ADAMTSL1: variants seen among roughly 807,000 people sequenced by gnomAD.
ADAMTSL1 encodes the protein ADAMTS like 1.
In ADAMTSL1, 126 loss-of-function variants were observed where a neutral mutation model predicts 201.8. The observed-to-expected ratio is 0.62, with a 90% confidence interval of 0.54 to 0.72. The LOEUF is 0.72. Ranked by LOEUF, ADAMTSL1 falls within the 30% of genes least tolerant of loss-of-function variation. The pLI, the probability that ADAMTSL1 is intolerant of heterozygous loss-of-function variation, is 0.00. For missense variants in ADAMTSL1, 2,679 were observed against 2,277.8 expected (o/e 1.18, Z -3.59); for synonymous variants, 1,121 against 903.4 (o/e 1.24, Z -4.32).
chr9:18,023,756 G>T (rs1294628508), intron 1 of ADAMTSL1, among the ~76,000 whole-genome samples: 1 of 152,026 alleles, frequency 6.6e-6, no homozygotes. Context: ...ATTTCAAATA[G>T]CTGCCCTTAT....
chr9:18,851,346 G>A (rs1826481187), intron 23 of ADAMTSL1, among the ~76,000 whole-genome samples: 1 of 152,096 alleles, frequency 6.6e-6, no homozygotes, highest in Admixed American at 6.5e-5. Flanking sequence ...ATTTATGATC[G>A]AGGAGGAAGG....
intron 1 of ADAMTSL1, among the ~76,000 whole-genome samples, chr9:18,095,426 T>C (rs1423839691): frequency 1.6e-5 from 2 of 128,468 alleles, no homozygotes; most frequent in African/African-American, 3.8e-5. Context: ...CTTTTTTTTT[T>C]TTTTTTTTTT....
chr9:18,219,730 C>T (rs1382346302), intron 2 of ADAMTSL1, among the ~76,000 whole-genome samples: 1 of 152,118 alleles, frequency 6.6e-6, no homozygotes, highest in Non-Finnish European at 1.5e-5. Context: ...ATACTTAATA[C>T]ATTGTTAGGT....
intron 2 of ADAMTSL1, among the ~76,000 whole-genome samples, chr9:18,290,330 C>T (rs1833200470): frequency 6.7e-6 from 1 of 149,720 alleles, no homozygotes; most frequent in African/African-American, 2.5e-5. Flanking sequence ...TTGGCAGGAG[C>T]AAGATGACAA....
intron 2 of ADAMTSL1, among the ~76,000 whole-genome samples, chr9:18,375,037 G>A (rs1344339006): frequency 6.6e-6 from 1 of 152,176 alleles, no homozygotes; most frequent in Non-Finnish European, 1.5e-5. Context: ...AGGGCACTGG[G>A]AAACATCTTG....
At chr9:18,280,053 G>A (rs561437598) in intron 2 of ADAMTSL1, among the ~76,000 whole-genome samples, 3 of 152,322 alleles carry the variant, frequency 2.0e-5, no homozygotes, top group South Asian at 4.1e-4. Flanking sequence ...AAGGTCTGCT[G>A]AAGTAGGCTT....
At chr9:18,732,781 G>A (rs551596965) in intron 15 of ADAMTSL1, among the ~76,000 whole-genome samples, 1 of 152,146 alleles carries the variant, frequency 6.6e-6, no homozygotes, top group South Asian at 2.1e-4. Flanking sequence ...TAAGGCACAG[G>A]GCATCTTGTC....
At position 18,692,433 on chromosome 9, in the gene ADAMTSL1, G is replaced by A. The variant is rs564482856; in HGVS notation, c.1574+7633G>A. 2.0e-5 allele frequency among the ~76,000 whole-genome samples: 3 copies of A among 151,678 alleles called. No individual in the cohort carries two copies. In the East Asian group the frequency reaches 5.9e-4, roughly 30 times the overall value. On this transcript the variant is annotated intron_variant, in intron 13 of 28. Transcript: ENST00000380548. ...AGTCCCTCCCTCTGTCACCGCAGTT[G>A]CTCGTTCTGTGGCTACTTTCAGAAA...
At chr9:17,973,112 G>T (rs1172557617) in intron 1 of ADAMTSL1, among the ~76,000 whole-genome samples, 10 of 107,584 alleles carry the variant, frequency 9.3e-5, no homozygotes, top group Non-Finnish European at 6.1e-5. Flanking sequence ...CATTCTGTAG[G>T]TTGCCTGTTC....
At chr9:18,135,271 A>G (rs1826112640) in intron 1 of ADAMTSL1, among the ~76,000 whole-genome samples, 1 of 152,184 alleles carries the variant, frequency 6.6e-6, no homozygotes, top group African/African-American at 2.4e-5. Context: ...CATACGTACT[A>G]TGCATTCATA....
At chr9:18,605,956 G>C (rs1367681962) in intron 4 of ADAMTSL1, among the ~76,000 whole-genome samples, 1 of 152,098 alleles carries the variant, frequency 6.6e-6, no homozygotes, top group Non-Finnish European at 1.5e-5. Context: ...CTCTGGAATT[G>C]ATAGTGTGTC....
intron 1 of ADAMTSL1, among the ~76,000 whole-genome samples, chr9:18,018,454 C>G (rs116646099): frequency 6.6e-6 from 1 of 152,014 alleles, no homozygotes; most frequent in Non-Finnish European, 1.5e-5. Flanking sequence ...CTCTAATAGA[C>G]TATGGCATGG....
At chr9:18,379,021 G>A (rs893954109) in intron 2 of ADAMTSL1, among the ~76,000 whole-genome samples, 226 of 152,304 alleles carry the variant, frequency 1.5e-3, no homozygotes, top group African/African-American at 5.0e-3. Flanking sequence ...AGATACTCAC[G>A]AAGGAGTCAG....
In ADAMTSL1 at chr9:18,612,172, TCTGGAG is replaced by T. The variant is rs143404271; in HGVS notation, c.475-10070_475-10065del. Among the ~76,000 whole-genome samples, 852 of 152,292 alleles carry T rather than the reference TCTGGAG, an allele frequency of 5.6e-3. 8 individuals carry two copies. The highest frequency in any genetic ancestry group is 0.02 in the African/African-American group (813 of 41,570). On this transcript the variant is annotated intron_variant, in intron 4 of 28. Coordinates refer to ENST00000380548, the MANE Select transcript of ADAMTSL1 (RefSeq NM_001040272.6). The stretch of plus-strand genomic sequence containing the variant: ...ATGAGCATTTATGCCCCAAGGCAAT[TCTGGAG>T]TAGTGGGTGAAGGACCAGAGACATA...
intron 2 of ADAMTSL1, among the ~76,000 whole-genome samples, chr9:18,437,058 T>C (rs555182999): frequency 4.3e-4 from 65 of 150,834 alleles, no homozygotes; most frequent in Admixed American, 9.9e-4. Flanking sequence ...TGGCTGTGGG[T>C]CACCATCTAG....
Position 18,709,178 on chromosome 9 carries a change from T to A in ADAMTSL1, c.1876+2130T>A, listed in dbSNP as rs189848182. Among the ~76,000 whole-genome samples, 292 of 152,314 alleles carry A rather than the reference T, an allele frequency of 1.9e-3. 1 individual carries two copies. The highest frequency in any genetic ancestry group is 2.6e-4 in the Non-Finnish European group (18 of 68,030). On this transcript the variant is annotated intron_variant, in intron 14 of 28. Coordinates refer to ENST00000380548, the MANE Select transcript of ADAMTSL1 (RefSeq NM_001040272.6). ...AGCCTAAAAAGTTAGAGTCGAAAAT[T>A]CCAAAGTGATGAAAATATGCTTGGG...
chr9:18,726,590 A>G (rs1358892358), intron 15 of ADAMTSL1, among the ~76,000 whole-genome samples: 2 of 152,142 alleles, frequency 1.3e-5, no homozygotes, highest in African/African-American at 4.8e-5. Context: ...GGAAAAGCAG[A>G]AAGTACTACC....
At chr9:17,942,239 T>C (rs1827267225) in intron 1 of ADAMTSL1, among the ~76,000 whole-genome samples, 1 of 152,244 alleles carries the variant, frequency 6.6e-6, no homozygotes, top group East Asian at 1.9e-4. Context: ...GTGATGAGTA[T>C]GCAACATTGT....
At chr9:18,822,936 TA>T in intron 21 of ADAMTSL1, among the ~76,000 whole-genome samples, 1 of 152,196 alleles carries the variant, frequency 6.6e-6, no homozygotes. Flanking sequence ...TGACGTTTTT[TA>T]AAGCGTCGTT....
Sources: allele counts gnomAD v4.1 joint callset (sites outside exome capture counted in the v4.1 genomes callset), GRCh38; gene constraint gnomAD v4.1.1; transcripts MANE v1.5; gene names NCBI Gene and HGNC (gene_info 2026-07-23, HGNC 2026-07-21).